Variants in PTPRS observed in about 807,000 individuals in gnomAD.
PTPRS encodes receptor-type tyrosine-protein phosphatase S.
Under a neutral mutation model 215.3 loss-of-function variants are expected in PTPRS, and 63 were observed. That is an observed-to-expected ratio of 0.29 (90% CI 0.24 to 0.36). The LOEUF is 0.36. Ranked by LOEUF, PTPRS falls within the 10% of genes least tolerant of loss-of-function variation. The pLI is 1.00. For missense variants in PTPRS, 2,258 were observed against 2,825.8 expected (o/e 0.80, Z 4.56); for synonymous variants, 1,404 against 1,191.4 (o/e 1.18, Z -3.68).
chr19:5,227,726 C>T (rs933614014), intron 16 of PTPRS, among the ~76,000 whole-genome samples: 3 of 152,096 alleles, frequency 2.0e-5, no homozygotes, highest in Non-Finnish European at 4.4e-5. Context: ...TGTTTTGTTC[C>T]GATTAACATC....
chr19:5,271,540 C>T (rs1043442832), intron 4 of PTPRS, among the ~76,000 whole-genome samples: 2 of 151,736 alleles, frequency 1.3e-5, no homozygotes, highest in Non-Finnish European at 2.9e-5. Flanking sequence ...GCTGGGATTA[C>T]AGGTGCCCAC....
chr19:5,243,768 G>C lies in PTPRS; in HGVS notation c.1570+133C>G, dbSNP rs1002450290. The C allele has an allele frequency of 3.4e-6, 3 of 885,732 alleles. No individual in the cohort carries two copies. In the African/African-American group the frequency reaches 5.2e-5, roughly 15 times the overall value. The allele number at this position is 885,732 out of a possible 1,614,324, so 54.9% of individuals were successfully genotyped here. On this transcript the variant is annotated intron_variant, in intron 11 of 37. Coordinates refer to ENST00000262963, the MANE Select transcript of PTPRS (RefSeq NM_002850.4). ...ATTACAGGCGTAAACCACCACACCC[G>C]GCCTAAATGCTAGCATGAAAATATC...
At chr19:5,332,791 CT>C (rs1247259006) in intron 1 of PTPRS, among the ~76,000 whole-genome samples, 1 of 152,264 alleles carries the variant, frequency 6.6e-6, no homozygotes, top group African/African-American at 2.4e-5. Context: ...TCCAGGTTTT[CT>C]GTTGATCCTG....
intron 9 of PTPRS, among the ~76,000 whole-genome samples, chr19:5,251,584 A>C (rs1599705252): frequency 6.6e-6 from 1 of 151,782 alleles, no homozygotes; most frequent in East Asian, 1.9e-4. Flanking sequence ...GGTGTAATCT[A>C]ATATTCCCCT....
chr19:5,211,776 G>A lies in PTPRS; in HGVS notation c.5056-8C>T, dbSNP rs1240096390. 7 of 1,608,846 alleles carry A rather than the reference G, an allele frequency of 4.4e-6. No homozygotes were observed. The highest frequency in any genetic ancestry group is 5.1e-6 in the Non-Finnish European group (6 of 1,175,808). Reference sequence around the variant, plus strand: ...CTTGGAGTTAGCCAGCCGCTGTGGGGAGGAGGAAGCCAGAGGCCACCATCA... The same window carrying A: ...CTTGGAGTTAGCCAGCCGCTGTGGGAAGGAGGAAGCCAGAGGCCACCATCA... On this transcript the variant is annotated splice_region_variant and splice_polypyrimidine_tract_variant and intron_variant, in intron 32 of 37. Coordinates refer to ENST00000262963, the MANE Select transcript of PTPRS (RefSeq NM_002850.4).
chr19:5,260,918 C>T, intron 6 of PTPRS, 96 bp from the exon 7 acceptor site: 1 of 1,422,962 alleles, frequency 7.0e-7, no homozygotes. Context: ...GTAAGCCAGG[C>T]CTCAGCACTC....
chr19:5,223,120 G>C lies in PTPRS; in HGVS notation c.2672C>G (p.Thr891Arg), dbSNP rs375155482. ...LEFPPSEDRY[T>R]ASGVHKGATY... Reference sequence around the variant, plus strand: ...GGCCCCCTTGTGCACGCCTGATGCCGTGTAGCGGTCCTCGGAGGGCGGGAA... The same window carrying C: ...GGCCCCCTTGTGCACGCCTGATGCCCTGTAGCGGTCCTCGGAGGGCGGGAA... The change falls in exon 18 of 38, where the codon ACG becomes AGG. Residue 891 changes from threonine (T) to arginine (R), a missense_variant. Transcript: ENST00000262963. 6.4e-7 allele frequency: 1 copy of C among 1,568,024 alleles called. No individual in the cohort carries two copies. Among genetic ancestry groups the C allele is most frequent in the Admixed American group, 1.8e-5 (1 of 54,082 alleles).
rs749723623 is a variant in PTPRS at position 5,214,620 on chromosome 19, C to T, written c.4435G>A (p.Val1479Met). ...PETFGDFWRM[V>M]WEQRSATIVM... ...ATGGTCGCCGACCGCTGCTCCCACA[C>T]CATACGCCAGAAGTCCCCAAAGGTC... Residue 1479 changes from valine (V) to methionine (M), a missense_variant, in exon 29 of 38, where the codon GTG (valine) becomes ATG (methionine). Coordinates refer to ENST00000262963, the MANE Select transcript of PTPRS (RefSeq NM_002850.4). 5.6e-6 allele frequency: 9 copies of T among 1,613,236 alleles called. No homozygotes were observed. Among genetic ancestry groups the T allele is most frequent in the Non-Finnish European group, 6.8e-6 (8 of 1,179,942 alleles).
intron 1 of PTPRS, among the ~76,000 whole-genome samples, chr19:5,304,340 C>A (rs894051450): frequency 3.3e-5 from 5 of 151,982 alleles, no homozygotes; most frequent in Admixed American, 6.6e-5. Context: ...AATAGCCAGG[C>A]GTGGTGGCAT....
chr19:5,211,710 T>G lies in PTPRS; in HGVS notation c.5114A>C (p.Asn1705Thr). 1 of 1,614,090 alleles carries G rather than the reference T, an allele frequency of 6.2e-7. No individual in the cohort carries two copies. The highest frequency in any genetic ancestry group is 8.5e-7 in the Non-Finnish European group (1 of 1,180,010). The change falls in exon 33 of 38, where the codon AAC becomes ACC. Residue 1705 changes from asparagine to threonine, a missense_variant. Physicochemically the swap from Asn to Thr is moderately conservative, Grantham distance 65. Coordinates refer to ENST00000262963, the MANE Select transcript of PTPRS (RefSeq NM_002850.4). ...SRFISANLPC[N>T]KFKNRLVNIM... ...GTTCACCAGGCGGTTCTTGAACTTG[T>G]TACAAGGCAGATTGGCACTGATGAA...
chr19:5,334,662 C>T lies in PTPRS; in HGVS notation c.-95+6002G>A, dbSNP rs2159092. The stretch of plus-strand genomic sequence containing the variant: ...TCTCTGTAGCGATTCAGGTGGCCCC[C>T]GCAGCAGATGGACTGCTGTCCAAAC... On this transcript the variant is annotated intron_variant, in intron 1 of 37. Coordinates refer to ENST00000262963, the MANE Select transcript of PTPRS (RefSeq NM_002850.4). Among the ~76,000 whole-genome samples, 803 of 152,294 alleles carry T rather than the reference C, an allele frequency of 5.3e-3. 2 individuals carry two copies. The highest frequency in any genetic ancestry group is 0.018 in the African/African-American group (744 of 41,548).
intron 2 of PTPRS, among the ~76,000 whole-genome samples, chr19:5,276,168 C>T (rs546211431): frequency 1.3e-5 from 2 of 152,330 alleles, no homozygotes; most frequent in East Asian, 3.9e-4. Flanking sequence ...CCCTCCATGA[C>T]GATCTGATGT....
intron 7 of PTPRS, among the ~76,000 whole-genome samples, chr19:5,259,986 C>A (rs955525596): frequency 5.9e-5 from 9 of 152,136 alleles, no homozygotes; most frequent in Non-Finnish European, 1.0e-4. Context: ...AAAGGTAGGG[C>A]TGGACACTGA....
chr19:5,221,296 C>T, intron 19 of PTPRS, 43 bp from the exon 20 acceptor site: 2 of 1,575,602 alleles, frequency 1.3e-6, no homozygotes, highest in Non-Finnish European at 1.7e-6. Context: ...TGGGCTCATG[C>T]CCATGGACTG....
chr19:5,216,417 G>GC (rs369548699), intron 26 of PTPRS, among the ~76,000 whole-genome samples: 2,616 of 152,212 alleles, frequency 0.017, 75 homozygotes, highest in African/African-American at 0.059. Flanking sequence ...TGTCCTGGGT[G>GC]CCCCCCAAGA....
rs145550915 is a variant in PTPRS at position 5,230,810 on chromosome 19, T to G, written c.2155+500A>C. 6.2e-4 allele frequency among the ~76,000 whole-genome samples: 94 copies of G among 152,294 alleles called. 1 individual carries two copies. The highest frequency in any genetic ancestry group is 1.9e-3 in the African/African-American group (79 of 41,554). Reference sequence around the variant, plus strand: ...AGGTGTCTGTCATTTCTCTCCATGATCTAGGCTTCGACCACGTGACTCCAA... The same window carrying G: ...AGGTGTCTGTCATTTCTCTCCATGAGCTAGGCTTCGACCACGTGACTCCAA... On this transcript the variant is annotated intron_variant, in intron 14 of 37. Coordinates refer to ENST00000262963, the MANE Select transcript of PTPRS (RefSeq NM_002850.4).
chr19:5,234,864 A>G (rs2043304037), intron 13 of PTPRS, among the ~76,000 whole-genome samples: 1 of 152,070 alleles, frequency 6.6e-6, no homozygotes, highest in East Asian at 1.9e-4. Context: ...GTAAGTTTCC[A>G]CATATGAAGC....
chr19:5,325,622 C>T (rs947979869), intron 1 of PTPRS, among the ~76,000 whole-genome samples: 2 of 152,320 alleles, frequency 1.3e-5, no homozygotes, highest in African/African-American at 4.8e-5. Flanking sequence ...AGGCTCTGCC[C>T]AAGGCGTCCC....
rs71743139 is a variant in PTPRS, at chr19:5,205,982, GAA to G, written c.*790_*791del. Among the ~76,000 whole-genome samples the G allele has an allele frequency of 1.1e-4, 14 of 131,998 alleles. No homozygotes were observed. The highest frequency in any genetic ancestry group is 2.2e-4 in the Non-Finnish European group (14 of 62,312). 86.6% of individuals were successfully genotyped at this position (131,998 alleles called of 152,430 possible). On this transcript the variant is annotated 3_prime_UTR_variant, in exon 38 of 38. Coordinates refer to ENST00000262963, the MANE Select transcript of PTPRS (RefSeq NM_002850.4). Reference sequence around the variant, plus strand: ...TTTATAAAAATGAAACAAAAAGGGGGAAAAAAAAAGCCAAGAAAGAAAAAAGG... The same window carrying G: ...TTTATAAAAATGAAACAAAAAGGGGGAAAAAAAGCCAAGAAAGAAAAAAGG...
Sources: gnomAD v4.1 joint callset for allele counts (sites outside exome capture counted in the v4.1 genomes callset) on GRCh38, gnomAD v4.1.1 for gene constraint, MANE v1.5 for transcripts, NCBI Gene and HGNC (gene_info 2026-07-23, HGNC 2026-07-21) for gene names.